POLR2E: variants seen among roughly 807,000 people sequenced by gnomAD.
The protein encoded by POLR2E is DNA-directed RNA polymerases I, II, and III subunit RPABC1.
Under a neutral mutation model 29.8 loss-of-function variants are expected in POLR2E, and 35 were observed. That is an observed-to-expected ratio of 1.17 (90% CI 0.90 to 1.55). The LOEUF is 1.55. POLR2E is among the 40% of genes most tolerant of loss of function. POLR2E has a pLI of 0.00. For missense variants in POLR2E, 287 were observed against 288.6 expected (o/e 0.99, Z 0.04); for synonymous variants, 174 against 112.6 (o/e 1.55, Z -3.45).
rs762590254 is a variant in POLR2E, at chr19:1,095,358, C to G, written c.-43G>C. The G allele has an allele frequency of 7.0e-5, 112 of 1,610,050 alleles. No homozygotes were observed. Among genetic ancestry groups the G allele is most frequent in the Non-Finnish European group, 9.3e-5 (109 of 1,177,934 alleles). On this transcript the variant is annotated 5_prime_UTR_variant, in exon 1 of 8. Coordinates refer to ENST00000615234, the MANE Select transcript of POLR2E (RefSeq NM_002695.5). The stretch of plus-strand genomic sequence containing the variant: ...CCGCCGCTCGCACCCCTTCTCCGCG[C>G]GAGAACCCGCGCGGACTGCGCCTGC...
rs745612263 is a variant in POLR2E at position 1,095,219 on chromosome 19, G to A, written c.57+40C>T. On this transcript the variant is annotated intron_variant, in intron 1 of 7. Coordinates refer to ENST00000615234, the MANE Select transcript of POLR2E (RefSeq NM_002695.5). Reference sequence around the variant, plus strand: ...GACCCCACCTCGGGCCCCTACACCCGCCGCCCGCGCCCCCGCCCCCAACAC... The same window carrying A: ...GACCCCACCTCGGGCCCCTACACCCACCGCCCGCGCCCCCGCCCCCAACAC... The A allele has an allele frequency of 1.5e-5, 24 of 1,605,102 alleles. No individual in the cohort carries two copies. The South Asian group carries it at 2.5e-4, about 17-fold the overall frequency.
At chr19:1,091,083 C>T (rs959750946) in intron 3 of POLR2E, 95 bp from the exon 4 acceptor site, 29 of 1,017,860 alleles carry the variant, frequency 2.8e-5, no homozygotes, top group Non-Finnish European at 4.2e-5. Context: ...ACTCGTGTGC[C>T]CCAACAACAC....
rs560771513 is a variant in POLR2E, at chr19:1,088,240, A to G, written c.*495T>C. ...CACCCAACCTCCTACAACAACCGAG[A>G]ACTCCAGAGCTGGCATCTCGCACCC... On this transcript the variant is annotated 3_prime_UTR_variant, in exon 8 of 8. Coordinates refer to ENST00000615234, the MANE Select transcript of POLR2E (RefSeq NM_002695.5). 4 of 152,532 alleles carry G rather than the reference A, an allele frequency of 2.6e-5. No homozygotes were observed. The South Asian group carries it at 8.3e-4, about 32-fold the overall frequency. The allele number at this position is 152,532 out of a possible 1,614,324, so 9.4% of individuals were successfully genotyped here.
At chr19:1,089,849 G>T in intron 6 of POLR2E, 35 bp downstream of exon 6, 1 of 1,543,180 alleles carries the variant, frequency 6.5e-7, no homozygotes, top group South Asian at 1.1e-5. Context: ...TCAGCTCAGA[G>T]CAGCCCCAGG....
chr19:1,089,665 G>GACCCTGGGCTGTGGGACCCGC, intron 6 of POLR2E, 114 bp from the exon 7 acceptor site: 1 of 936,268 alleles, frequency 1.1e-6, no homozygotes, highest in Non-Finnish European at 1.7e-6. Flanking sequence ...CGAGATGGCT[G>GACCCTGGGCTGTGGGACCCGC]ACCCTGGGCT....
intron 2 of POLR2E, among the ~76,000 whole-genome samples, chr19:1,092,774 G>A (rs2043865197): frequency 6.6e-6 from 1 of 151,508 alleles, no homozygotes; most frequent in Non-Finnish European, 1.5e-5. Context: ...CTAGCTTTTT[G>A]GGAGGCTGAG....
In POLR2E at chr19:1,087,169, T is replaced by C. The variant is rs902206670; in HGVS notation, c.*1566A>G. On this transcript the variant is annotated 3_prime_UTR_variant, in exon 8 of 8. Coordinates refer to ENST00000615234, the MANE Select transcript of POLR2E (RefSeq NM_002695.5). Reference sequence around the variant, plus strand: ...CTGTGCCCAGGTAATCTTAAAGTTTTTTGTAGAGGTGGGGGGTTTCTCTGT... The same window carrying C: ...CTGTGCCCAGGTAATCTTAAAGTTTCTTGTAGAGGTGGGGGGTTTCTCTGT... The C allele has an allele frequency of 6.6e-6, 1 of 151,618 alleles. No individual in the cohort carries two copies. Among genetic ancestry groups the C allele is most frequent in the Non-Finnish European group, 1.5e-5 (1 of 67,924 alleles). 9.4% of individuals were successfully genotyped at this position (151,618 alleles called of 1,614,324 possible).
At chr19:1,091,382 CCA>C (rs1599793518) in intron 3 of POLR2E, 2 of 365,920 alleles carry the variant, frequency 5.5e-6, no homozygotes. Context: ...CAGCCTGGCT[CCA>C]GAGTGTCCGA....
chr19:1,090,458 G>A (rs1239844251), intron 4 of POLR2E, among the ~76,000 whole-genome samples: 9 of 107,234 alleles, frequency 8.4e-5, no homozygotes, highest in Non-Finnish European at 1.9e-4. Flanking sequence ...CCCGGGATCT[G>A]CATTTTTTTT....
In POLR2E at chr19:1,089,414, AG is replaced by A. The variant is rs527559139; in HGVS notation, c.*14+57del. The A allele has an allele frequency of 1.5e-4, 175 of 1,134,530 alleles. No individual in the cohort carries two copies. The African/African-American group carries it at 2.4e-3, about 16-fold the overall frequency. 70.3% of individuals were successfully genotyped at this position (1,134,530 alleles called of 1,614,324 possible). The stretch of plus-strand genomic sequence containing the variant: ...CAAGAACAGCCCTGCACACCGACGG[AG>A]GGGACGACACCCCTGCCTCTGACCC... On this transcript the variant is annotated intron_variant, in intron 7 of 7. Transcript: ENST00000615234.
At chr19:1,089,030 T>C (rs1452337162) in intron 7 of POLR2E, among the ~76,000 whole-genome samples, 6 of 152,280 alleles carry the variant, frequency 3.9e-5, no homozygotes, top group Non-Finnish European at 5.9e-5. Flanking sequence ...GCTCTCGCCA[T>C]GGGCAGAGGC....
chr19:1,095,207 G>A lies in POLR2E; in HGVS notation c.57+52C>T, dbSNP rs2043914870. ...GACGCCGTGCTCGACCCCACCTCGG[G>A]CCCCTACACCCGCCGCCCGCGCCCC... On this transcript the variant is annotated intron_variant, in intron 1 of 7. Coordinates refer to ENST00000615234, the MANE Select transcript of POLR2E (RefSeq NM_002695.5). The A allele has an allele frequency of 7.6e-6, 12 of 1,574,608 alleles. No homozygotes were observed. In the East Asian group the frequency reaches 1.8e-4, roughly 24 times the overall value.
At chr19:1,095,178 A>C (rs2043914342) in intron 1 of POLR2E, 81 bp downstream of exon 1, 3 of 1,412,316 alleles carry the variant, frequency 2.1e-6, no homozygotes. Context: ...CGAGAGTACG[A>C]GGAGACGCCG....
chr19:1,089,399 C>T (rs1392141600), intron 7 of POLR2E, 73 bp downstream of exon 7: 6 of 992,394 alleles, frequency 6.0e-6, no homozygotes, highest in East Asian at 5.1e-5. Context: ...CAAGAACAGC[C>T]CTGCACACCG....
At position 1,089,650 on chromosome 19, in the gene POLR2E, G is replaced by A; in HGVS notation, c.568-99C>T. 5 of 1,070,060 alleles carry A rather than the reference G, an allele frequency of 4.7e-6. No individual in the cohort carries two copies. In the South Asian group the frequency reaches 6.5e-5, roughly 14 times the overall value. 66.3% of individuals were successfully genotyped at this position (1,070,060 alleles called of 1,614,324 possible). ...CACACGGGCTGGGGATGGCCGGCAG[G>A]GGTCCGAGATGGCTGACCCTGGGCT... On this transcript the variant is annotated intron_variant, in intron 6 of 7. Transcript: ENST00000615234.
In POLR2E at chr19:1,094,192, G is replaced by C. The variant is rs937759026; in HGVS notation, c.58-114C>G. 22 of 914,210 alleles carry C rather than the reference G, an allele frequency of 2.4e-5. No homozygotes were observed. In the African/African-American group the frequency reaches 2.9e-4, roughly 12 times the overall value. The allele number at this position is 914,210 out of a possible 1,614,324, so 56.6% of individuals were successfully genotyped here. A position where few individuals can be genotyped will look rare whatever the true frequency, so the allele number is the denominator to read the frequency against. ...CAGAGGACAGAGGTGAACAGCAAAC[G>C]GGATGAACACTCACTGTGTGCTCCA... On this transcript the variant is annotated intron_variant, in intron 1 of 7. Coordinates refer to ENST00000615234, the MANE Select transcript of POLR2E (RefSeq NM_002695.5).
At chr19:1,094,948 CT>C in intron 1 of POLR2E, 1 of 488,028 alleles carries the variant, frequency 2.0e-6, no homozygotes, top group Non-Finnish European at 3.6e-6. Context: ...AGGGCAGAGT[CT>C]GGGGGCGCCC....
At position 1,087,921 on chromosome 19, in the gene POLR2E, G is replaced by A. The variant is rs938311226; in HGVS notation, c.*814C>T. 2.0e-5 allele frequency: 3 copies of A among 152,246 alleles called. No homozygotes were observed. Among genetic ancestry groups the A allele is most frequent in the Admixed American group, 6.5e-5 (1 of 15,272 alleles). The allele number at this position is 152,246 out of a possible 1,614,324, so 9.4% of individuals were successfully genotyped here. A position where few individuals can be genotyped will look rare whatever the true frequency, so the allele number is the denominator to read the frequency against. ...AAGTAGAGCCAGATCCCAAACGTCTGTAAGAGGAACTGGCCGCAAACCACA... is the reference window on the plus strand; with the variant it reads ...AAGTAGAGCCAGATCCCAAACGTCTATAAGAGGAACTGGCCGCAAACCACA... On this transcript the variant is annotated 3_prime_UTR_variant, in exon 8 of 8. Transcript: ENST00000615234.
chr19:1,092,832 G>C (rs894040021), intron 2 of POLR2E, among the ~76,000 whole-genome samples: 3 of 142,710 alleles, frequency 2.1e-5, no homozygotes, highest in Non-Finnish European at 4.5e-5. Flanking sequence ...AGTGAGCTGA[G>C]ATTGCGCCAC....
Sources: allele counts gnomAD v4.1 joint callset (sites outside exome capture counted in the v4.1 genomes callset), GRCh38; gene constraint gnomAD v4.1.1; transcripts MANE v1.5; gene names NCBI Gene and HGNC (gene_info 2026-07-23, HGNC 2026-07-21).